BSPH1: variants seen among roughly 807,000 people sequenced by gnomAD.
BSPH1 encodes binder of sperm protein homolog 1, also known as binder of sperm 1.
BSPH1 carries 21 observed loss-of-function variants against 22.5 expected under a neutral mutation model. That is an observed-to-expected ratio of 0.93 (90% CI 0.66 to 1.35). BSPH1 has a LOEUF of 1.35. Ranked by LOEUF, BSPH1 falls within the 40% of genes most tolerant of loss-of-function variation. The pLI is 0.00. For missense variants in BSPH1, 141 were observed against 154.2 expected, an observed-to-expected ratio of 0.91 and a Z score of 0.45; for synonymous variants, 42 against 53.6, an observed-to-expected ratio of 0.78 and a Z score of 0.95.
chr19:47,981,414 A>G (rs993387615), intron 1 of BSPH1, among the ~76,000 whole-genome samples: 2 of 152,200 alleles, frequency 1.3e-5, no homozygotes, highest in South Asian at 4.1e-4. Context: ...GTATGTAGGA[A>G]ATGCAAATAA....
chr19:47,984,140 C>A (rs1293282729), intron 1 of BSPH1, among the ~76,000 whole-genome samples: 1 of 97,830 alleles, frequency 1.0e-5, no homozygotes, highest in Non-Finnish European at 2.0e-5. Context: ...AGCCACCATG[C>A]CTGGCTTGAA....
chr19:47,983,375 C>T (rs948429004), intron 1 of BSPH1, among the ~76,000 whole-genome samples: 2 of 152,180 alleles, frequency 1.3e-5, no homozygotes, highest in Non-Finnish European at 2.9e-5. Flanking sequence ...ATTCAGTATG[C>T]ATTCCATAGT....
chr19:47,967,501 A>T (rs1328010528), downstream of BSPH1, among the ~76,000 whole-genome samples: 2 of 152,178 alleles, frequency 1.3e-5, no homozygotes, highest in Non-Finnish European at 2.9e-5. Context: ...GGTGACATCA[A>T]GGTTGGTTTC....
chr19:47,989,154 T>G (rs1969500136), intron 1 of BSPH1, among the ~76,000 whole-genome samples: 1 of 136,614 alleles, frequency 7.3e-6, no homozygotes, highest in African/African-American at 2.8e-5. Flanking sequence ...TTATTATTAT[T>G]ATTATTTTGA....
At chr19:47,975,679 G>A (rs945805003) in intron 5 of BSPH1, among the ~76,000 whole-genome samples, 2 of 128,080 alleles carry the variant, frequency 1.6e-5, no homozygotes, top group Non-Finnish European at 3.2e-5. Context: ...TTTTTGAGAC[G>A]GAGTCTCGCT....
At position 47,989,448 on chromosome 19, in the gene BSPH1, A is replaced by C. The variant is rs114337699; in HGVS notation, c.73+2561T>G. ...TGTGAGCCACCGCACCCAGTCTGTC[A>C]CTGCTTCTAAAACACCAAAATGTAG... On this transcript the variant is annotated intron_variant, in intron 1 of 5. Transcript: ENST00000344839. Among the ~76,000 whole-genome samples the C allele has an allele frequency of 3.3e-3, 493 of 151,686 alleles. 1 individual carries two copies. The highest frequency in any genetic ancestry group is 0.011 in the African/African-American group (471 of 41,380).
At chr19:47,978,021 T>G (rs1232175131) in intron 3 of BSPH1, among the ~76,000 whole-genome samples, 1 of 128,314 alleles carries the variant, frequency 7.8e-6, no homozygotes, top group Non-Finnish European at 1.7e-5. Context: ...TATATATATA[T>G]ATATATATAG....
intron 1 of BSPH1, among the ~76,000 whole-genome samples, chr19:47,984,044 G>A (rs1240020088): frequency 1.3e-5 from 2 of 151,276 alleles, no homozygotes; most frequent in East Asian, 3.9e-4. Flanking sequence ...ACAGGGTTTT[G>A]CCATGTTGGT....
intron 5 of BSPH1, among the ~76,000 whole-genome samples, chr19:47,969,900 G>A (rs751833529): frequency 1.3e-5 from 2 of 151,722 alleles, no homozygotes; most frequent in Non-Finnish European, 2.9e-5. Context: ...GTGTGAGAGA[G>A]AGACTTTAGA....
intron 5 of BSPH1, among the ~76,000 whole-genome samples, chr19:47,973,365 A>G (rs1248328149): frequency 6.6e-6 from 1 of 152,060 alleles, no homozygotes; most frequent in Non-Finnish European, 1.5e-5. Context: ...GTCTCCTGTC[A>G]TTTTATTGGT....
intron 1 of BSPH1, among the ~76,000 whole-genome samples, chr19:47,987,175 T>C (rs1234219681): frequency 6.6e-6 from 1 of 152,180 alleles, no homozygotes; most frequent in Non-Finnish European, 1.5e-5. Flanking sequence ...GGAAGGACAC[T>C]ATGCAATGCA....
At chr19:47,985,818 G>C (rs1428672899) in intron 1 of BSPH1, among the ~76,000 whole-genome samples, 2 of 145,358 alleles carry the variant, frequency 1.4e-5, no homozygotes, top group Non-Finnish European at 3.0e-5. Context: ...CTGAGTGACA[G>C]GGCAAGACTT....
chr19:47,980,124 C>T (rs947559495), intron 2 of BSPH1, among the ~76,000 whole-genome samples: 3 of 152,002 alleles, frequency 2.0e-5, no homozygotes, highest in African/African-American at 7.2e-5. Flanking sequence ...TAATGTAACA[C>T]CCCTGTGCTT....
At chr19:47,973,208 C>A (rs1315200247) in intron 5 of BSPH1, among the ~76,000 whole-genome samples, 1 of 140,274 alleles carries the variant, frequency 7.1e-6, no homozygotes, top group Non-Finnish European at 1.5e-5. Flanking sequence ...CAGAGCGAGA[C>A]TCCGTCTCAA....
At chr19:47,974,766 C>T (rs1307225188) in intron 5 of BSPH1, among the ~76,000 whole-genome samples, 3 of 136,588 alleles carry the variant, frequency 2.2e-5, no homozygotes, top group African/African-American at 5.7e-5. Context: ...CTATAGTTTC[C>T]AGTTTCCTCT....
intron 2 of BSPH1, 89 bp from the exon 3 acceptor site, chr19:47,979,688 G>A (rs1600088302): frequency 1.7e-6 from 1 of 582,022 alleles, no homozygotes; most frequent in Non-Finnish European, 2.9e-6. Flanking sequence ...AAATAAAAAT[G>A]TTAGTTTAGG....
chr19:47,986,305 C>G (rs1300021790), intron 1 of BSPH1, among the ~76,000 whole-genome samples: 1 of 152,146 alleles, frequency 6.6e-6, no homozygotes, highest in Non-Finnish European at 1.5e-5. Flanking sequence ...TGTCAGAAGG[C>G]CTGGAAGAGC....
At chr19:47,982,887 T>A (rs145169311) in intron 1 of BSPH1, among the ~76,000 whole-genome samples, 1 of 152,316 alleles carries the variant, frequency 6.6e-6, no homozygotes, top group Admixed American at 6.5e-5. Flanking sequence ...TCTACTTATA[T>A]GAGGTAACTA....
Position 47,976,825 on chromosome 19 carries a change from A to T in BSPH1, c.286T>A (p.Tyr96Asn). The T allele has an allele frequency of 6.4e-7, 1 of 1,551,684 alleles. No individual in the cohort carries two copies. Among genetic ancestry groups the T allele is most frequent in the South Asian group, 1.2e-5 (1 of 84,028 alleles). The change falls in exon 5 of 6, where the codon TAC becomes AAC. Residue 96 changes from tyrosine (Y) to asparagine (N), a missense_variant. Coordinates refer to ENST00000344839, the MANE Select transcript of BSPH1 (RefSeq NM_001128326.2). ...DFANCVFPFW[Y>N]RRLIYWECTD... is the part of the protein sequence containing the mutation. Reference sequence around the variant, plus strand: ...CACTCCCAGTAGATCAAGCGTCTGTACCAGAAGGGAAATACACAGTTTGCA... The same window carrying T: ...CACTCCCAGTAGATCAAGCGTCTGTTCCAGAAGGGAAATACACAGTTTGCA...
Sources: allele counts gnomAD v4.1 joint callset (sites outside exome capture counted in the v4.1 genomes callset), GRCh38; gene constraint gnomAD v4.1.1; transcripts MANE v1.5; gene names NCBI Gene and HGNC (gene_info 2026-07-23, HGNC 2026-07-21).